Variants in TTN observed in about 807,000 individuals in gnomAD.
TTN encodes titin, also known as connectin.
In TTN, 1,525 loss-of-function variants were observed where a neutral mutation model predicts 3,223.0. That is an observed-to-expected ratio of 0.47 (90% CI 0.45 to 0.49). The LOEUF (loss-of-function observed/expected upper bound fraction) is 0.49. Ranked by LOEUF, TTN falls within the 20% of genes least tolerant of loss-of-function variation. TTN has a pLI of 0.00. For synonymous variants in TTN, 14,094 were observed against 15,161.0 expected, an observed-to-expected ratio of 0.93 and a Z score of 5.17; for missense variants, 40,786 against 43,424.0, an observed-to-expected ratio of 0.94 and a Z score of 5.40.
chr2:178,554,959 G>C lies in TTN; in HGVS notation c.88500C>G (p.Ile29500Met). The C allele has an allele frequency of 6.2e-7, 1 of 1,613,682 alleles. No homozygotes were observed. Among genetic ancestry groups the C allele is most frequent in the Non-Finnish European group, 8.5e-7 (1 of 1,179,758 alleles). ...CACTATTAAGGCGATCGGCATCTTT[G>C]ATGAGTATAGATGCGAGGTCCGTGG... is the stretch of plus-strand genomic sequence containing the variant. ...ENTTDLASIL[I>M]KDADRLNSGC... Residue 29500 changes from isoleucine (I) to methionine (M), a missense_variant, in exon 331 of 363, where the codon ATC (isoleucine) becomes ATG (methionine). Coordinates refer to ENST00000589042, the MANE Select transcript of TTN (RefSeq NM_001267550.2).
chr2:178,621,151 G>A lies in TTN; in HGVS notation c.45567C>T (p.Tyr15189=), dbSNP rs1455525236. 1.2e-5 allele frequency: 19 copies of A among 1,612,406 alleles called. No individual in the cohort carries two copies. Among genetic ancestry groups the A allele is most frequent in the African/African-American group, 8.0e-5 (6 of 74,778 alleles). The change falls in exon 246 of 363, where the codon TAC becomes TAT. Residue 15189 remains tyrosine, a synonymous_variant. Transcript: ENST00000589042. ...CTCTGGCGGCCCCTACCATGACAACGTAAGTGCCCATATCTTGTAATGTGG... is the reference window on the plus strand; with the variant it reads ...CTCTGGCGGCCCCTACCATGACAACATAAGTGCCCATATCTTGTAATGTGG... ...KDATLQDMGT[Y]VVMVGAARAA... is the part of the protein sequence containing the mutation.
chr2:178,667,272 C>A lies in TTN; in HGVS notation c.35761G>T (p.Ala11921Ser). ...GIFPEVEPPE[A>S]IPEIPEHPPT... ...GGATGTTCTGGAATTTCAGGAATAG[C>A]CTCAGGTGGCTCCACCTCTGGAAAA... The change falls in exon 162 of 363, where the codon GCT becomes TCT. Residue 11921 changes from alanine (A) to serine (S), a missense_variant. Physicochemically the swap from Ala to Ser is moderately conservative, Grantham distance 99. Transcript: ENST00000589042. 6.2e-7 allele frequency: 1 copy of A among 1,605,328 alleles called. No individual in the cohort carries two copies. Among genetic ancestry groups the A allele is most frequent in the Non-Finnish European group, 8.5e-7 (1 of 1,176,010 alleles).
In TTN at chr2:178,672,348, A is replaced by G. The variant is rs2067157040; in HGVS notation, c.34930+59T>C. The G allele has an allele frequency of 1.4e-5, 22 of 1,599,926 alleles. No homozygotes were observed. The South Asian group carries it at 2.4e-4, about 17-fold the overall frequency. On this transcript the variant is annotated intron_variant, in intron 154 of 362. Coordinates refer to ENST00000589042, the MANE Select transcript of TTN (RefSeq NM_001267550.2). Reference sequence around the variant, plus strand: ...GTACATTCAAAATATATATTTTTAAAACTGAATAAAGGATTGCATGCAACA... The same window carrying G: ...GTACATTCAAAATATATATTTTTAAGACTGAATAAAGGATTGCATGCAACA...
intron 9 of TTN, 63 bp from the exon 10 acceptor site, chr2:178,792,260 T>G: frequency 6.7e-7 from 1 of 1,493,694 alleles, no homozygotes; most frequent in Non-Finnish European, 9.0e-7. Flanking sequence ...ATATGGTGTT[T>G]ATTAAATATA....
In TTN at chr2:178,633,963, G is replaced by A; in HGVS notation, c.42536C>T (p.Ala14179Val). Residue 14179 changes from alanine to valine, a missense_variant, in exon 231 of 363, where the codon GCC (alanine) becomes GTC (valine). Physicochemically the swap from Ala to Val is moderately conservative, Grantham distance 64. Transcript: ENST00000589042. ...TACTGTTCTGCTTGTATGGAGTTTG[G>A]CATCATTTTTGAACCAGACTACATG... ...KMHVVWFKND[A>V]KLHTSRTVLI... 1.9e-6 allele frequency: 3 copies of A among 1,613,294 alleles called. No individual in the cohort carries two copies. The highest frequency in any genetic ancestry group is 2.5e-6 in the Non-Finnish European group (3 of 1,179,536).
chr2:178,743,314 A>G (rs1486760052), intron 47 of TTN, among the ~76,000 whole-genome samples: 2 of 152,022 alleles, frequency 1.3e-5, no homozygotes, highest in Non-Finnish European at 2.9e-5. Context: ...TATGTGCAAT[A>G]CAATAAATTC....
At chr2:178,757,060 C>T (rs2087240398) in intron 45 of TTN, among the ~76,000 whole-genome samples, 1 of 100,676 alleles carries the variant, frequency 9.9e-6, no homozygotes, top group African/African-American at 3.5e-5. Flanking sequence ...GTTGTCATTT[C>T]AGCTATCCAA....
rs369211975 is a variant in TTN at position 178,799,810 on chromosome 2, A to G, written c.669+15T>C. ...CAGCCTGAAAGGCTTGAAAACCAAC[A>G]GTATAGAAAAATACCTTTTCAATTC... On this transcript the variant is annotated intron_variant, in intron 5 of 362. Transcript: ENST00000589042. The G allele has an allele frequency of 3.1e-6, 5 of 1,614,178 alleles. No homozygotes were observed. The highest frequency in any genetic ancestry group is 1.3e-5 in the African/African-American group (1 of 75,058).
rs878991431 is a variant in TTN, at chr2:178,588,137, A to G, written c.63270T>C (p.Tyr21090=). Residue 21090 remains tyrosine (Y), a synonymous_variant, in exon 305 of 363, where the codon TAT becomes TAC. Transcript: ENST00000589042. ...SITLGWGKPV[Y]DGGAPIIGYV... is the part of the protein sequence containing the mutation. ...ATCCAATGATCGGTGCACCACCATC[A>G]TAGACTGGTTTTCCCCACCCAAGAG... 1.2e-6 allele frequency: 2 copies of G among 1,611,566 alleles called. No homozygotes were observed. Among genetic ancestry groups the G allele is most frequent in the Non-Finnish European group, 1.7e-6 (2 of 1,178,304 alleles).
Position 178,792,873 on chromosome 2 carries a change from T to G in TTN, c.1536+531A>C, listed in dbSNP as rs112907352. On this transcript the variant is annotated intron_variant, in intron 9 of 362. Coordinates refer to ENST00000589042, the MANE Select transcript of TTN (RefSeq NM_001267550.2). ...GGCCAAGAGCTCTACTAACTGGCAT[T>G]TTCCAATCTGTCCCCAAATGCCGCC... Among the ~76,000 whole-genome samples the G allele has an allele frequency of 9.8e-5, 15 of 152,346 alleles. 1 individual carries two copies. The highest frequency in any genetic ancestry group is 3.4e-4 in the African/African-American group (14 of 41,578).
chr2:178,548,559 T>A lies in TTN; in HGVS notation c.93067A>T (p.Ile31023Phe). Residue 31023 changes from isoleucine (I) to phenylalanine (F), a missense_variant, in exon 339 of 363, where the codon ATT becomes TTT. Ile to Phe is a conservative substitution (Grantham distance 21, BLOSUM62 0). Transcript: ENST00000589042. This position sits in a 1 kb window ranked among gnomAD's most constrained non-coding sequence, Gnocchi z 4.3. ...CCCCGGGTCACATCTTTGAAGGTAATTGGGCCAGGTGGGCCTGGAGTGTCT... is the reference window on the plus strand; with the variant it reads ...CCCCGGGTCACATCTTTGAAGGTAAATGGGCCAGGTGGGCCTGGAGTGTCT... ...VLDTPGPPGP[I>F]TFKDVTRGSA... 1 of 1,613,872 alleles carries A rather than the reference T, an allele frequency of 6.2e-7. No homozygotes were observed. Among genetic ancestry groups the A allele is most frequent in the Non-Finnish European group, 8.5e-7 (1 of 1,179,806 alleles).
intron 144 of TTN, 45 bp from the exon 145 acceptor site, chr2:178,678,253 G>A (rs1418198071): frequency 3.2e-6 from 5 of 1,562,930 alleles, no homozygotes; most frequent in Non-Finnish European, 3.5e-6. Flanking sequence ...CTTTTAAAAT[G>A]TCTTAGAGCA....
At chr2:178,664,827 AC>A in intron 166 of TTN, 24 bp downstream of exon 166, 2 of 1,610,882 alleles carry the variant, frequency 1.2e-6, no homozygotes, top group Non-Finnish European at 1.7e-6. Flanking sequence ...CTAGTTCTTG[AC>A]CCTGAGAGCA....
rs1404441295 is a variant in TTN at position 178,712,093 on chromosome 2, C to A, written c.27737G>T (p.Arg9246Ile). 3 of 1,613,640 alleles carry A rather than the reference C, an allele frequency of 1.9e-6. No homozygotes were observed. The highest frequency in any genetic ancestry group is 2.5e-6 in the Non-Finnish European group (3 of 1,179,794). Residue 9246 changes from arginine to isoleucine, a missense_variant, in exon 96 of 363, where the codon AGA (arginine) becomes ATA (isoleucine). Coordinates refer to ENST00000589042, the MANE Select transcript of TTN (RefSeq NM_001267550.2). Reference protein sequence around the residue: ...VSWYKGDTKLRPTTTYKMHFR... With the variant: ...VSWYKGDTKLIPTTTYKMHFR... ...ATGCATTTTGTAAGTCGTAGTGGGTCTCAATTTTGTATCTCCTTTATACCA... is the reference window on the plus strand; with the variant it reads ...ATGCATTTTGTAAGTCGTAGTGGGTATCAATTTTGTATCTCCTTTATACCA...
Position 178,571,580 on chromosome 2 carries a change from G to A in TTN, c.74552C>T (p.Thr24851Ile), listed in dbSNP as rs756862019. 13 of 1,613,132 alleles carry A rather than the reference G, an allele frequency of 8.1e-6. No homozygotes were observed. Among genetic ancestry groups the A allele is most frequent in the African/African-American group, 1.3e-5 (1 of 74,884 alleles). The part of the protein sequence containing the change: ...INNYIVEKRD[T>I]STTTWQIVSA... ...TACAATTTGCCAGGTGGTTGTGGAA[G>A]TGTCCCGTTTCTCAACAATGTAATT... Residue 24851 changes from threonine to isoleucine, a missense_variant, in exon 326 of 363, where the codon ACT becomes ATT. Coordinates refer to ENST00000589042, the MANE Select transcript of TTN (RefSeq NM_001267550.2).
intron 227 of TTN, 46 bp from the exon 228 acceptor site, chr2:178,635,350 A>G (rs746505471): frequency 1.2e-6 from 2 of 1,608,452 alleles, no homozygotes; most frequent in Non-Finnish European, 8.5e-7. Flanking sequence ...AGACAACCCA[A>G]CGATGCTTTG....
At position 178,781,231 on chromosome 2, in the gene TTN, T is replaced by C. The variant is rs749125389; in HGVS notation, c.3413A>G (p.Glu1138Gly). The change falls in exon 21 of 363, where the codon GAA becomes GGA. Residue 1138 changes from glutamate (E) to glycine (G), a missense_variant. Coordinates refer to ENST00000589042, the MANE Select transcript of TTN (RefSeq NM_001267550.2). ...YKVSYNKQTGECKLVISMTFA... is the reference protein window; with the variant it reads ...YKVSYNKQTGGCKLVISMTFA... ...AGTCATAGAAATCACCAGCTTGCAT[T>C]CACCGGTTTGTTTGTTGTAACTCAC... The C allele has an allele frequency of 3.7e-6, 6 of 1,613,960 alleles. No individual in the cohort carries two copies. The highest frequency in any genetic ancestry group is 3.4e-6 in the Non-Finnish European group (4 of 1,179,982).
rs727504579 is a variant in TTN, at chr2:178,724,372, T to C, written c.21003A>G (p.Lys7001=). ...SQKHKFSFYN[K]ISSLRILSVE... ...CTGAGAGAATCCTTAAGGAAGAGAT[T>C]TTGTTGTAGAAGCTAAATTTGTGTT... Residue 7001 remains lysine (K), a synonymous_variant, in exon 72 of 363, where the codon AAA becomes AAG. Transcript: ENST00000589042. 1.5e-5 allele frequency: 24 copies of C among 1,613,530 alleles called. No individual in the cohort carries two copies. The Admixed American group carries it at 2.5e-4, about 17-fold the overall frequency.
At chr2:178,556,708 C>G in intron 330 of TTN, 140 bp downstream of exon 330, 1 of 994,578 alleles carries the variant, frequency 1.0e-6, no homozygotes, top group Non-Finnish European at 1.5e-6. Flanking sequence ...TCCTCAGACT[C>G]CCAGCTAGTC....
Sources: gnomAD v4.1 joint callset for allele counts (sites outside exome capture counted in the v4.1 genomes callset) on GRCh38, gnomAD v4.1.1 for gene constraint, Gnocchi (gnomAD v3.1) non-coding constraint, MANE v1.5 for transcripts, NCBI Gene and HGNC (gene_info 2026-07-23, HGNC 2026-07-21) for gene names.